Variants in NOL4L observed in about 807,000 individuals in gnomAD.
NOL4L encodes the protein nucleolar protein 4 like, also known as nucleolar protein 4-like.
A neutral mutation model predicts 64.5 loss-of-function variants in NOL4L; 7 were observed. The ratio of observed to expected loss-of-function variants is 0.11; its 90% CI spans 0.06 to 0.20. The LOEUF is 0.20. Among genes scored for constraint, NOL4L ranks in the 10% least tolerant of loss-of-function variants. The probability of loss-of-function intolerance (pLI) is 1.00; values close to 1 mark genes in which losing one functional copy is unlikely to be tolerated. For synonymous variants in NOL4L, 413 were observed against 401.0 expected (o/e 1.03, Z -0.36); for missense variants, 680 against 967.1 (o/e 0.70, Z 3.94).
intron 1 of NOL4L, among the ~76,000 whole-genome samples, chr20:32,584,361 G>T (rs974078530): frequency 4.0e-5 from 6 of 151,460 alleles, no homozygotes; most frequent in Middle Eastern, 3.2e-3. Flanking sequence ...CGGCGCGGAG[G>T]GGGGCAGGGA....
intron 1 of NOL4L, among the ~76,000 whole-genome samples, chr20:32,556,046 C>T (rs1262727947): frequency 6.6e-6 from 1 of 152,232 alleles, no homozygotes; most frequent in Non-Finnish European, 1.5e-5. Context: ...GTGACAATCA[C>T]AAGGGCACAG....
intron 4 of NOL4L, among the ~76,000 whole-genome samples, chr20:32,478,266 C>CAT (rs1252446375): frequency 7.8e-6 from 1 of 127,934 alleles, no homozygotes; most frequent in African/African-American, 2.6e-5. Context: ...CACACACACA[C>CAT]ACACACACTC....
chr20:32,581,240 G>A (rs528093214), intron 1 of NOL4L, among the ~76,000 whole-genome samples: 3 of 151,894 alleles, frequency 2.0e-5, no homozygotes, highest in African/African-American at 4.8e-5. Context: ...TCTCCCCCAC[G>A]CCCAGGCTTC....
At chr20:32,569,343 G>A (rs1194601271) in intron 1 of NOL4L, among the ~76,000 whole-genome samples, 2 of 152,184 alleles carry the variant, frequency 1.3e-5, no homozygotes, top group Non-Finnish European at 2.9e-5. Context: ...CTCAGAGAGT[G>A]ATGAGAAGCC....
At chr20:32,578,258 C>G (rs942816680) in intron 1 of NOL4L, among the ~76,000 whole-genome samples, 1 of 151,896 alleles carries the variant, frequency 6.6e-6, no homozygotes, top group African/African-American at 2.4e-5. Flanking sequence ...AAAGCCCAGG[C>G]CCTTTACCTG....
chr20:32,520,496 G>A (rs1017091008), intron 3 of NOL4L, among the ~76,000 whole-genome samples: 5 of 152,156 alleles, frequency 3.3e-5, no homozygotes, highest in Non-Finnish European at 5.9e-5. Context: ...CTTTGAGAAC[G>A]GGGCAGGCTG....
intron 1 of NOL4L, among the ~76,000 whole-genome samples, chr20:32,529,972 G>A (rs2145583936): frequency 6.6e-6 from 1 of 152,212 alleles, no homozygotes; most frequent in African/African-American, 2.4e-5. Context: ...ACCTCTTTTG[G>A]GGAGTATCCC....
intron 4 of NOL4L, chr20:32,486,707 C>T (rs1251506755): frequency 6.4e-6 from 3 of 470,770 alleles, no homozygotes; most frequent in Non-Finnish European, 1.3e-5. Context: ...TGCAATGGGG[C>T]GATCTGGCAG....
chr20:32,506,766 A>G (rs1381684097), intron 4 of NOL4L, among the ~76,000 whole-genome samples: 1 of 152,034 alleles, frequency 6.6e-6, no homozygotes, highest in African/African-American at 2.4e-5. Flanking sequence ...TGTCCCCTCT[A>G]CTAAGAAGAG....
intron 1 of NOL4L, among the ~76,000 whole-genome samples, chr20:32,532,603 C>T (rs1316787485): frequency 6.6e-6 from 1 of 152,204 alleles, no homozygotes; most frequent in Admixed American, 6.5e-5. Context: ...AAAGCACCTT[C>T]CCTGTAGACT....
At chr20:32,533,758 G>C (rs2145587744) in intron 1 of NOL4L, among the ~76,000 whole-genome samples, 1 of 152,310 alleles carries the variant, frequency 6.6e-6, no homozygotes, top group East Asian at 1.9e-4. Context: ...GGCATCCCTT[G>C]GCAGGTCCTT....
At chr20:32,452,787 CTG>C in intron 9 of NOL4L, 95 bp downstream of exon 9, 1 of 1,554,718 alleles carries the variant, frequency 6.4e-7, no homozygotes, top group Non-Finnish European at 8.7e-7. Context: ...CTTCTCCCGA[CTG>C]TACCCATCAC....
At chr20:32,507,095 T>C (rs781716774) in intron 4 of NOL4L, among the ~76,000 whole-genome samples, 61 of 152,138 alleles carry the variant, frequency 4.0e-4, no homozygotes, top group Non-Finnish European at 7.5e-4. Context: ...AGGAGCACAG[T>C]TGTCTCTCTG....
At chr20:32,549,268 A>C (rs1292276515) in intron 1 of NOL4L, among the ~76,000 whole-genome samples, 1 of 152,226 alleles carries the variant, frequency 6.6e-6, no homozygotes, top group African/African-American at 2.4e-5. Flanking sequence ...TCAATGGTAA[A>C]ATGACAAGTA....
At chr20:32,495,390 C>T (rs1450627725) in intron 4 of NOL4L, among the ~76,000 whole-genome samples, 2 of 152,146 alleles carry the variant, frequency 1.3e-5, no homozygotes, top group Non-Finnish European at 2.9e-5. Context: ...TCTTCGGCAC[C>T]GCAAGCCAAA....
chr20:32,447,822 G>A lies in NOL4L; in HGVS notation c.1823-6C>T, dbSNP rs1262317431. On this transcript the variant is annotated splice_polypyrimidine_tract_variant and splice_region_variant and intron_variant, in intron 10 of 10. Coordinates refer to ENST00000621426, the MANE Select transcript of NOL4L (RefSeq NM_001256798.2). The stretch of plus-strand genomic sequence containing the variant: ...CATGCTGAGGTCCGTGGGCCCTGTG[G>A]AGAGGGAAGTAGGGTGAGAAGGGAG... 1 of 1,544,760 alleles carries A rather than the reference G, an allele frequency of 6.5e-7. No homozygotes were observed. The highest frequency in any genetic ancestry group is 8.7e-7 in the Non-Finnish European group (1 of 1,144,064).
chr20:32,472,744 C>T (rs2015110520), intron 5 of NOL4L, among the ~76,000 whole-genome samples: 1 of 152,052 alleles, frequency 6.6e-6, no homozygotes. Context: ...AGGGTCTCAG[C>T]CAGCCAGCGG....
chr20:32,461,644 G>C (rs903784307), intron 5 of NOL4L, among the ~76,000 whole-genome samples: 1 of 151,088 alleles, frequency 6.6e-6, no homozygotes, highest in East Asian at 2.0e-4. Context: ...GGATGGTCTC[G>C]ATCTCCTGAC....
intron 2 of NOL4L, 84 bp downstream of exon 2, chr20:32,527,674 C>T: frequency 6.9e-7 from 1 of 1,447,990 alleles, no homozygotes; most frequent in African/African-American, 1.4e-5. Flanking sequence ...CCTGCCCCGC[C>T]CCCCAAGCCC....
Sources: allele counts gnomAD v4.1 joint callset (sites outside exome capture counted in the v4.1 genomes callset), GRCh38; gene constraint gnomAD v4.1.1; transcripts MANE v1.5; gene names NCBI Gene and HGNC (gene_info 2026-07-23, HGNC 2026-07-21).